PRKCH: variants seen among roughly 807,000 people sequenced by gnomAD.
The protein encoded by PRKCH is protein kinase C eta.
PRKCH carries 28 observed loss-of-function variants against 82.5 expected under a neutral mutation model. That is an observed-to-expected ratio of 0.34 (90% CI 0.25 to 0.47). The LOEUF (loss-of-function observed/expected upper bound fraction) is 0.47, where lower values mean the gene tolerates loss of function less well. Ranked by LOEUF, PRKCH falls within the 20% of genes least tolerant of loss-of-function variation. The pLI is 1.00. For missense variants in PRKCH, 705 were observed against 881.8 expected (o/e 0.80, Z 2.54); for synonymous variants, 322 against 327.4 (o/e 0.98, Z 0.18).
intron 9 of PRKCH, among the ~76,000 whole-genome samples, chr14:61,483,606 G>A (rs138748400): frequency 5.3e-5 from 8 of 152,216 alleles, no homozygotes; most frequent in South Asian, 2.1e-4. Flanking sequence ...GTCATAAGCC[G>A]TGCTTCCTTC....
chr14:61,344,665 G>T (rs1446324073), intron 1 of PRKCH, among the ~76,000 whole-genome samples: 1 of 152,068 alleles, frequency 6.6e-6, no homozygotes. Flanking sequence ...TGTAGTCAGC[G>T]GGGTTGCCTG....
At chr14:61,272,196 C>A (rs180877616) in intron 1 of PRKCH, among the ~76,000 whole-genome samples, 2 of 151,064 alleles carry the variant, frequency 1.3e-5, no homozygotes, top group Non-Finnish European at 2.9e-5. Context: ...CCACTGCACT[C>A]TGGCCTGGGC....
chr14:61,531,686 A>G (rs1192062097), intron 12 of PRKCH, among the ~76,000 whole-genome samples: 1 of 152,208 alleles, frequency 6.6e-6, no homozygotes, highest in Non-Finnish European at 1.5e-5. Flanking sequence ...CACATAGCTC[A>G]ATCCTCAAGC....
intron 1 of PRKCH, among the ~76,000 whole-genome samples, chr14:61,227,782 A>G (rs1388427360): frequency 6.6e-6 from 1 of 152,138 alleles, no homozygotes; most frequent in African/African-American, 2.4e-5. Context: ...TAAGTGCTTG[A>G]TAAATATGCC....
intron 1 of PRKCH, chr14:61,348,067 T>G (rs1871241205): frequency 1.3e-5 from 2 of 152,134 alleles, no homozygotes; most frequent in African/African-American, 4.8e-5. Flanking sequence ...CTGGTAAGGG[T>G]TTAGATCTAT....
At chr14:61,265,988 G>A (rs1453938385) in intron 1 of PRKCH, among the ~76,000 whole-genome samples, 2 of 152,152 alleles carry the variant, frequency 1.3e-5, no homozygotes, top group East Asian at 1.9e-4. Context: ...CTAGCTACTC[G>A]GGAGGCTAAG....
chr14:61,428,969 C>T (rs1883263099), intron 2 of PRKCH, among the ~76,000 whole-genome samples: 1 of 152,122 alleles, frequency 6.6e-6, no homozygotes, highest in East Asian at 1.9e-4. Flanking sequence ...TTAAAGAATT[C>T]TGCATGTCAT....
rs968162173 is a variant in PRKCH at position 61,497,786 on chromosome 14, A to G, written c.1433+12130A>G. On this transcript the variant is annotated intron_variant, in intron 10 of 13. Transcript: ENST00000332981. ...AGAGGATGGGCTCTTTAAACTGACTACATGAGTGTAATGGCAGTTATGATC... is the reference window on the plus strand; with the variant it reads ...AGAGGATGGGCTCTTTAAACTGACTGCATGAGTGTAATGGCAGTTATGATC... Among the ~76,000 whole-genome samples, 5 of 152,120 alleles carry G rather than the reference A, an allele frequency of 3.3e-5. No individual in the cohort carries two copies. The South Asian group carries it at 1.0e-3, about 32-fold the overall frequency.
intron 1 of PRKCH, among the ~76,000 whole-genome samples, chr14:61,251,221 G>A (rs2044943517): frequency 1.3e-5 from 2 of 152,162 alleles, no homozygotes; most frequent in Non-Finnish European, 2.9e-5. Flanking sequence ...AATCCAGCTA[G>A]ACTCTTTTAT....
At chr14:61,476,797 GA>G (rs1282341477) in intron 9 of PRKCH, among the ~76,000 whole-genome samples, 1 of 152,190 alleles carries the variant, frequency 6.6e-6, no homozygotes, top group Non-Finnish European at 1.5e-5. Flanking sequence ...CTGTGGGCTT[GA>G]CACAGGGGTT....
At chr14:61,548,024 C>T (rs2043281805) in intron 13 of PRKCH, 138 bp downstream of exon 13, 1 of 1,127,782 alleles carries the variant, frequency 8.9e-7, no homozygotes. Flanking sequence ...GGCAGCCTCC[C>T]CTGGGGGGAA....
intron 1 of PRKCH, among the ~76,000 whole-genome samples, chr14:61,260,540 C>G (rs1035099090): frequency 6.6e-6 from 1 of 152,164 alleles, no homozygotes; most frequent in Non-Finnish European, 1.5e-5. Flanking sequence ...CATATGCACA[C>G]CTGTGAATTG....
intron 1 of PRKCH, among the ~76,000 whole-genome samples, chr14:61,323,290 A>T (rs1220082786): frequency 6.6e-6 from 1 of 151,286 alleles, no homozygotes; most frequent in African/African-American, 2.4e-5. Flanking sequence ...TCTGCTGTAA[A>T]TCAATTAAAA....
intron 10 of PRKCH, among the ~76,000 whole-genome samples, chr14:61,501,949 G>A (rs1886927384): frequency 1.3e-5 from 2 of 151,688 alleles, no homozygotes; most frequent in African/African-American, 4.9e-5. Flanking sequence ...ACAAATGGTG[G>A]TATATTATCT....
intron 10 of PRKCH, among the ~76,000 whole-genome samples, chr14:61,510,653 T>C (rs1887338432): frequency 6.6e-6 from 1 of 151,958 alleles, no homozygotes; most frequent in Admixed American, 6.5e-5. Flanking sequence ...GAGAGAGGTG[T>C]CAGGATAGGG....
rs373572961 is a variant in PRKCH at position 61,523,917 on chromosome 14, T to C, written c.1434-5158T>C. On this transcript the variant is annotated intron_variant, in intron 10 of 13. Transcript: ENST00000332981. ...ATGGATCAGGGAGGGAGGGAGTCGATGTAGCGAGGGAGCATGTTTGGACGT... is the reference window on the plus strand; with the variant it reads ...ATGGATCAGGGAGGGAGGGAGTCGACGTAGCGAGGGAGCATGTTTGGACGT... Among the ~76,000 whole-genome samples, 8 of 152,352 alleles carry C rather than the reference T, an allele frequency of 5.3e-5. No homozygotes were observed. In the East Asian group the frequency reaches 9.6e-4, roughly 18 times the overall value.
intron 1 of PRKCH, among the ~76,000 whole-genome samples, chr14:61,265,205 G>T (rs1478160488): frequency 6.6e-6 from 1 of 152,174 alleles, no homozygotes; most frequent in African/African-American, 2.4e-5. Flanking sequence ...TCCCAGGCGG[G>T]TGCGGTGGCT....
At chr14:61,484,003 T>C (rs1242837817) in intron 9 of PRKCH, among the ~76,000 whole-genome samples, 1 of 152,226 alleles carries the variant, frequency 6.6e-6, no homozygotes, top group Non-Finnish European at 1.5e-5. Flanking sequence ...ATCGTGCCAC[T>C]GCACTTCAGC....
intron 1 of PRKCH, among the ~76,000 whole-genome samples, chr14:61,380,976 T>A (rs2046499618): frequency 6.6e-6 from 1 of 152,162 alleles, no homozygotes; most frequent in African/African-American, 2.4e-5. Context: ...AGCAACCATG[T>A]GGGTCTGTTC....
Sources: gnomAD v4.1 joint callset for allele counts (sites outside exome capture counted in the v4.1 genomes callset) on GRCh38, gnomAD v4.1.1 for gene constraint, MANE v1.5 for transcripts, NCBI Gene and HGNC (gene_info 2026-07-23, HGNC 2026-07-21) for gene names.